Variants in CRACD observed in about 807,000 individuals in gnomAD.
CRACD encodes the protein capping protein inhibiting regulator of actin dynamics.
CRACD carries 56 observed loss-of-function variants against 106.8 expected under a neutral mutation model. That is an observed-to-expected ratio of 0.52 (90% CI 0.42 to 0.66). CRACD has a LOEUF of 0.66. Ranked by LOEUF, CRACD falls within the 30% of genes least tolerant of loss-of-function variation. CRACD has a pLI of 0.00. For synonymous variants in CRACD, 754 were observed against 670.8 expected, an observed-to-expected ratio of 1.12 and a Z score of -1.92; for missense variants, 1,730 against 1,623.2, an observed-to-expected ratio of 1.07 and a Z score of -1.13.
chr4:56,197,251 CTTTCTTGGCAGA>C (rs1353642614), intron 2 of CRACD, among the ~76,000 whole-genome samples: 1 of 151,504 alleles, frequency 6.6e-6, no homozygotes, highest in Non-Finnish European at 1.5e-5. Flanking sequence ...ATTTATCACA[CTTTCTTGGCAGA>C]GATTAAAAAA....
intron 2 of CRACD, among the ~76,000 whole-genome samples, chr4:56,219,995 G>C (rs939291427): frequency 2.6e-4 from 40 of 152,110 alleles, no homozygotes; most frequent in Admixed American, 3.9e-4. Context: ...GGGAGTATTT[G>C]GTTGAAAGAA....
At chr4:56,117,153 T>C (rs112737816) in intron 1 of CRACD, among the ~76,000 whole-genome samples, 40 of 151,498 alleles carry the variant, frequency 2.6e-4, no homozygotes, top group African/African-American at 9.2e-4. Context: ...CCTGAGTAAC[T>C]GGGACTACAG....
chr4:56,233,599 A>C (rs1362634589), intron 2 of CRACD, among the ~76,000 whole-genome samples: 1 of 152,114 alleles, frequency 6.6e-6, no homozygotes, highest in African/African-American at 2.4e-5. Context: ...GTATTACTTG[A>C]TTCTGCACCT....
At chr4:56,228,723 G>C (rs1739452999) in intron 2 of CRACD, among the ~76,000 whole-genome samples, 1 of 152,088 alleles carries the variant, frequency 6.6e-6, no homozygotes, top group Non-Finnish European at 1.5e-5. Flanking sequence ...GAAGGCACCA[G>C]ATTGAGGAGG....
intron 1 of CRACD, among the ~76,000 whole-genome samples, chr4:56,068,913 A>C (rs1474841777): frequency 2.0e-5 from 3 of 152,038 alleles, no homozygotes; most frequent in African/African-American, 7.2e-5. Flanking sequence ...TGCAGATGTA[A>C]TTGGTTAAAC....
Position 56,313,281 on chromosome 4 carries a change from C to T in CRACD, c.439C>T (p.Leu147=). 1.2e-6 allele frequency: 2 copies of T among 1,614,244 alleles called. No homozygotes were observed. Among genetic ancestry groups the T allele is most frequent in the African/African-American group, 1.3e-5 (1 of 75,072 alleles). The change falls in exon 7 of 11, where the codon CTG becomes TTG. Residue 147 remains leucine (L), a synonymous_variant. Transcript: ENST00000682029. ...IESVNLDAIP[L]AIARLDNSAA... ...AAGTGTCAACTTAGATGCCATCCCC[C>T]TGGCCATCGCTCGCCTGGACAACAG...
intron 1 of CRACD, among the ~76,000 whole-genome samples, chr4:56,051,951 A>G (rs1324177385): frequency 6.6e-6 from 1 of 152,238 alleles, no homozygotes; most frequent in Non-Finnish European, 1.5e-5. Context: ...AGGATCAAAT[A>G]AAATAATGTG....
At chr4:56,321,778 A>C (rs986391592) in intron 8 of CRACD, among the ~76,000 whole-genome samples, 1 of 152,220 alleles carries the variant, frequency 6.6e-6, no homozygotes, top group Non-Finnish European at 1.5e-5. Flanking sequence ...TCTCTGTTAG[A>C]TCATAACTGA....
At chr4:56,086,269 C>A (rs1359783098) in intron 1 of CRACD, among the ~76,000 whole-genome samples, 1 of 152,094 alleles carries the variant, frequency 6.6e-6, no homozygotes, top group Non-Finnish European at 1.5e-5. Flanking sequence ...TCCTTCCTTT[C>A]TGTTAGTGTT....
intron 1 of CRACD, among the ~76,000 whole-genome samples, chr4:56,077,098 T>G (rs534366881): frequency 7.9e-5 from 12 of 152,312 alleles, no homozygotes; most frequent in South Asian, 2.1e-4. Context: ...TCCATTCTCA[T>G]GCTGCTAGAA....
chr4:56,181,850 A>G (rs926353529), intron 2 of CRACD, among the ~76,000 whole-genome samples: 2 of 152,088 alleles, frequency 1.3e-5, no homozygotes, highest in Non-Finnish European at 2.9e-5. Context: ...GACCCACCCT[A>G]CTTCAATGTG....
At chr4:56,227,156 T>C (rs950721332) in intron 2 of CRACD, among the ~76,000 whole-genome samples, 1 of 152,176 alleles carries the variant, frequency 6.6e-6, no homozygotes, top group Non-Finnish European at 1.5e-5. Flanking sequence ...GTCAACATAA[T>C]GTGAGAGATG....
At chr4:56,277,623 C>T (rs1742751146) in intron 3 of CRACD, among the ~76,000 whole-genome samples, 1 of 152,126 alleles carries the variant, frequency 6.6e-6, no homozygotes. Flanking sequence ...TTCTATTCAA[C>T]ACTGTATTCT....
chr4:56,250,482 C>T (rs1213528755), intron 2 of CRACD, among the ~76,000 whole-genome samples: 1 of 152,150 alleles, frequency 6.6e-6, no homozygotes, highest in Non-Finnish European at 1.5e-5. Flanking sequence ...ATGGAACTTG[C>T]CCAAAGTCTC....
chr4:56,064,409 A>G (rs765673248), intron 1 of CRACD, among the ~76,000 whole-genome samples: 2 of 152,056 alleles, frequency 1.3e-5, no homozygotes, highest in Non-Finnish European at 2.9e-5. Context: ...TAGCTGTTCT[A>G]GTAGGCTTTA....
chr4:56,113,327 C>T (rs1734181308), intron 1 of CRACD, among the ~76,000 whole-genome samples: 1 of 152,098 alleles, frequency 6.6e-6, no homozygotes, highest in African/African-American at 2.4e-5. Context: ...TCAGTTAACA[C>T]CCACAATTGC....
intron 2 of CRACD, among the ~76,000 whole-genome samples, chr4:56,182,292 C>T (rs1736860218): frequency 6.6e-6 from 1 of 151,732 alleles, no homozygotes; most frequent in Non-Finnish European, 1.5e-5. Context: ...ATCACTGGAG[C>T]AGGGGAGGTT....
chr4:56,273,295 G>T (rs542797024), intron 3 of CRACD, among the ~76,000 whole-genome samples: 4 of 151,792 alleles, frequency 2.6e-5, no homozygotes, highest in Admixed American at 1.3e-4. Context: ...CTGCCTGCCT[G>T]CCTTCCTTCC....
intron 2 of CRACD, among the ~76,000 whole-genome samples, chr4:56,254,770 A>G (rs755237190): frequency 6.6e-6 from 1 of 151,576 alleles, no homozygotes; most frequent in Non-Finnish European, 1.5e-5. Context: ...CTCACCTTTT[A>G]TCCAGCAGGA....
Sources: gnomAD v4.1 joint callset for allele counts (sites outside exome capture counted in the v4.1 genomes callset) on GRCh38, gnomAD v4.1.1 for gene constraint, MANE v1.5 for transcripts, NCBI Gene and HGNC (gene_info 2026-07-23, HGNC 2026-07-21) for gene names.